Variants in LANCL1 observed in about 807,000 individuals in gnomAD.
LANCL1 encodes glutathione S-transferase LANCL1.
LANCL1 carries 50 observed loss-of-function variants against 50.6 expected under a neutral mutation model. The observed-to-expected ratio is 0.99, with a 90% CI of 0.79 to 1.25. The LOEUF is 1.25. Among genes scored for constraint, LANCL1 ranks in the 50% most tolerant of loss-of-function variants. The pLI is 0.00. For synonymous variants in LANCL1, 188 were observed against 178.6 expected (o/e 1.05, Z -0.42); for missense variants, 532 against 480.7 (o/e 1.11, Z -1.00).
chr2:210,459,199 C>A (rs1488054862), intron 3 of LANCL1, among the ~76,000 whole-genome samples: 1 of 151,894 alleles, frequency 6.6e-6, no homozygotes, highest in Non-Finnish European at 1.5e-5. Context: ...AATGGTGTTA[C>A]TAAATGTCAT....
intron 4 of LANCL1, among the ~76,000 whole-genome samples, chr2:210,444,016 A>C (rs540917975): frequency 6.6e-6 from 1 of 152,318 alleles, no homozygotes; most frequent in African/African-American, 2.4e-5. Context: ...ACAGGGTAGG[A>C]GACTGTATGT....
At chr2:210,438,423 C>A (rs920167009) in intron 6 of LANCL1, among the ~76,000 whole-genome samples, 1 of 152,208 alleles carries the variant, frequency 6.6e-6, no homozygotes, top group Non-Finnish European at 1.5e-5. Context: ...GCATGAGCCA[C>A]TGTGCTCGGC....
intron 4 of LANCL1, among the ~76,000 whole-genome samples, chr2:210,450,303 G>A (rs1038695638): frequency 1.3e-5 from 2 of 152,146 alleles, no homozygotes; most frequent in African/African-American, 2.4e-5. Flanking sequence ...ACAGAAAACT[G>A]AAACTGGACC....
intron 3 of LANCL1, among the ~76,000 whole-genome samples, chr2:210,464,991 A>AAC (rs200221063): frequency 0.039 from 5,979 of 152,050 alleles, 196 homozygotes; most frequent in Non-Finnish European, 0.056. Flanking sequence ...AAAAAAAAAA[A>AAC]CTTATGCGTA....
In LANCL1 at chr2:210,445,231, G is replaced by C. The variant is rs75455732; in HGVS notation, c.408-3788C>G. ...ACCGAATTACTGCATTGATTCCAAT[G>C]ATATTCCAACTGAAATAAAATATTT... On this transcript the variant is annotated intron_variant, in intron 4 of 9. Coordinates refer to ENST00000450366, the MANE Select transcript of LANCL1 (RefSeq NM_006055.3). 9.6e-3 allele frequency among the ~76,000 whole-genome samples: 1,465 copies of C among 152,178 alleles called. 19 individuals carry two copies. The highest frequency in any genetic ancestry group is 0.033 in the African/African-American group (1,375 of 41,532).
In LANCL1 at chr2:210,433,103, C is replaced by A. The variant is rs896809482; in HGVS notation, c.*1384G>T. ...GACCAAGAGAGCTGTGAAATAGGCA[C>A]ATTTAAAATACTTAGACCCTGTTAT... On this transcript the variant is annotated 3_prime_UTR_variant, in exon 10 of 10. Coordinates refer to ENST00000450366, the MANE Select transcript of LANCL1 (RefSeq NM_006055.3). 1 of 152,550 alleles carries A rather than the reference C, an allele frequency of 6.6e-6. No individual in the cohort carries two copies. Among genetic ancestry groups the A allele is most frequent in the South Asian group, 2.1e-4 (1 of 4,830 alleles). 9.4% of individuals were successfully genotyped at this position (152,550 alleles called of 1,614,324 possible).
At chr2:210,448,646 G>C (rs1291382480) in intron 4 of LANCL1, among the ~76,000 whole-genome samples, 4 of 151,722 alleles carry the variant, frequency 2.6e-5, no homozygotes, top group African/African-American at 9.7e-5. Flanking sequence ...AATCAAATAG[G>C]CACAATAAAA....
intron 3 of LANCL1, among the ~76,000 whole-genome samples, chr2:210,463,395 TTTAGA>T (rs1310283879): frequency 1.3e-5 from 2 of 151,966 alleles, no homozygotes; most frequent in Admixed American, 6.6e-5. Context: ...TTTTTTGAGG[TTTAGA>T]TTAGTGAATT....
chr2:210,461,261 T>G (rs1319690424), intron 3 of LANCL1, among the ~76,000 whole-genome samples: 2 of 152,060 alleles, frequency 1.3e-5, no homozygotes, highest in Non-Finnish European at 2.9e-5. Flanking sequence ...GAATCCAGCG[T>G]AAATCCATGC....
At chr2:210,467,803 A>C (rs1007065271) in intron 3 of LANCL1, among the ~76,000 whole-genome samples, 4 of 152,196 alleles carry the variant, frequency 2.6e-5, no homozygotes, top group African/African-American at 9.6e-5. Flanking sequence ...TTCAAGATCA[A>C]CTGAGCAACT....
chr2:210,455,106 C>G lies in LANCL1; in HGVS notation c.407+1G>C. The G allele has an allele frequency of 6.2e-7, 1 of 1,610,076 alleles. No individual in the cohort carries two copies. Among genetic ancestry groups the G allele is most frequent in the African/African-American group, 1.3e-5 (1 of 74,884 alleles). On this transcript the variant is annotated splice_donor_variant, in intron 4 of 9. Coordinates refer to ENST00000450366, the MANE Select transcript of LANCL1 (RefSeq NM_006055.3). LOFTEE classifies it high-confidence loss of function. ...TAATCCTCATATAGAAACATGATTA[C>G]CGTGTGATGCAATCTTCTGCCTGCT...
intron 4 of LANCL1, among the ~76,000 whole-genome samples, chr2:210,441,970 T>C (rs1693152671): frequency 6.6e-6 from 1 of 152,002 alleles, no homozygotes; most frequent in Non-Finnish European, 1.5e-5. Flanking sequence ...AATGGCGTGA[T>C]CTCGGCTCAC....
intron 8 of LANCL1, among the ~76,000 whole-genome samples, chr2:210,435,664 A>G (rs1265637596): frequency 6.6e-6 from 1 of 152,178 alleles, no homozygotes; most frequent in African/African-American, 2.4e-5. Context: ...ACGTATCTAC[A>G]AGGTTATTCA....
Position 210,457,202 on chromosome 2 carries a change from G to A in LANCL1, c.200-1888C>T, listed in dbSNP as rs568581180. ...AGGACTTTAAGTGGTGAGTGCTGCT[G>A]CCAATTAGAAAAAGTTTCCTGCACA... is the stretch of plus-strand genomic sequence containing the variant. On this transcript the variant is annotated intron_variant, in intron 3 of 9. Transcript: ENST00000450366. Among the ~76,000 whole-genome samples, 7 of 152,212 alleles carry A rather than the reference G, an allele frequency of 4.6e-5. No homozygotes were observed. The South Asian group carries it at 1.5e-3, about 32-fold the overall frequency.
intron 3 of LANCL1, among the ~76,000 whole-genome samples, chr2:210,469,464 G>T (rs1298991029): frequency 6.6e-6 from 1 of 152,178 alleles, no homozygotes; most frequent in Non-Finnish European, 1.5e-5. Context: ...TCGATTAGGA[G>T]ACATTAGGAA....
In LANCL1 at chr2:210,437,927, T is replaced by A. The variant is rs16844452; in HGVS notation, c.691-55A>T. The A allele has an allele frequency of 4.5e-3, 5,842 of 1,286,164 alleles. 97 individuals are homozygous for A. The African/African-American group carries it at 0.049, about 11-fold the overall frequency. The allele number at this position is 1,286,164 out of a possible 1,614,324, so 79.7% of individuals were successfully genotyped here. ...GCTGAAGCAAATAAACCTTCCTAGG[T>A]CTCAGTATATTTAAACCAGAAAAAA... On this transcript the variant is annotated intron_variant, in intron 6 of 9. Coordinates refer to ENST00000450366, the MANE Select transcript of LANCL1 (RefSeq NM_006055.3).
intron 2 of LANCL1, among the ~76,000 whole-genome samples, chr2:210,474,408 C>T (rs980735840): frequency 6.6e-6 from 1 of 152,040 alleles, no homozygotes; most frequent in Non-Finnish European, 1.5e-5. Flanking sequence ...GTGAATTTTT[C>T]CCCTTAGAAA....
rs541370183 is a variant in LANCL1, at chr2:210,452,280, G to A, written c.407+2827C>T. Among the ~76,000 whole-genome samples the A allele has an allele frequency of 1.8e-4, 28 of 151,424 alleles. No individual in the cohort carries two copies. In the South Asian group the frequency reaches 5.9e-3, roughly 32 times the overall value. On this transcript the variant is annotated intron_variant, in intron 4 of 9. Transcript: ENST00000450366. ...TTACTGACTCGTCACACTACAAGAA[G>A]GGAGGTTATATATTTCTGGACCAGA...
At chr2:210,454,321 A>G (rs1187434378) in intron 4 of LANCL1, among the ~76,000 whole-genome samples, 2 of 152,156 alleles carry the variant, frequency 1.3e-5, no homozygotes, top group East Asian at 1.9e-4. Context: ...GATATCTTAA[A>G]AAGTCCAAAA....
Sources: allele counts gnomAD v4.1 joint callset (sites outside exome capture counted in the v4.1 genomes callset), GRCh38; gene constraint gnomAD v4.1.1; transcripts MANE v1.5; gene names NCBI Gene and HGNC (gene_info 2026-07-23, HGNC 2026-07-21).